Variants in CYTH3 observed in about 807,000 individuals in gnomAD.
CYTH3 encodes the protein cytohesin 3, also known as cytohesin-3.
A neutral mutation model predicts 55.1 loss-of-function variants in CYTH3; 23 were observed. That is an observed-to-expected ratio of 0.42 (90% CI 0.30 to 0.59). The LOEUF (loss-of-function observed/expected upper bound fraction) is 0.59, where lower values mean the gene tolerates loss of function less well. Ranked by LOEUF, CYTH3 falls within the 20% of genes least tolerant of loss-of-function variation. The pLI is 0.20. For missense variants in CYTH3, 413 were observed against 524.8 expected, an observed-to-expected ratio of 0.79 and a Z score of 2.08; for synonymous variants, 249 against 194.9, an observed-to-expected ratio of 1.28 and a Z score of -2.31.
rs75427131 is a variant in CYTH3 at position 6,172,298 on chromosome 7, C to A, written c.450-984G>T. On this transcript the variant is annotated intron_variant, in intron 6 of 12. Coordinates refer to ENST00000350796, the MANE Select transcript of CYTH3 (RefSeq NM_004227.4). ...CTGCTCTCTCTTCCCAGGATTCCAG[C>A]CACGTCTGGCCCCACTCTCTACCAG... Among the ~76,000 whole-genome samples, 8 of 152,142 alleles carry A rather than the reference C, an allele frequency of 5.3e-5. No homozygotes were observed. The East Asian group carries it at 1.6e-3, about 29-fold the overall frequency.
chr7:6,225,731 G>A (rs1779233339), intron 1 of CYTH3, among the ~76,000 whole-genome samples: 1 of 150,750 alleles, frequency 6.6e-6, no homozygotes, highest in African/African-American at 2.4e-5. Context: ...CCAGGCTGCA[G>A]TGCAAAGGTG....
intron 5 of CYTH3, among the ~76,000 whole-genome samples, chr7:6,177,447 G>T (rs1034790278): frequency 6.6e-6 from 1 of 152,192 alleles, no homozygotes; most frequent in Non-Finnish European, 1.5e-5. Context: ...TATTCATACT[G>T]CAAGTAACAG....
At chr7:6,246,290 G>A (rs1315642551) in intron 1 of CYTH3, among the ~76,000 whole-genome samples, 2 of 150,816 alleles carry the variant, frequency 1.3e-5, no homozygotes, top group East Asian at 1.9e-4. Context: ...GGCTGGTGGC[G>A]AACTCCTGCC....
chr7:6,253,777 C>A (rs1043651531), intron 1 of CYTH3, among the ~76,000 whole-genome samples: 1 of 151,894 alleles, frequency 6.6e-6, no homozygotes, highest in Non-Finnish European at 1.5e-5. Context: ...GATCATGAGA[C>A]TGCACTCCAG....
At chr7:6,262,818 C>G (rs1411553238) in intron 1 of CYTH3, among the ~76,000 whole-genome samples, 2 of 152,174 alleles carry the variant, frequency 1.3e-5, no homozygotes, top group African/African-American at 2.4e-5. Context: ...ACTCGGGAGG[C>G]TGAGGCAGGA....
intron 1 of CYTH3, among the ~76,000 whole-genome samples, chr7:6,212,442 C>G (rs975187180): frequency 2.6e-5 from 4 of 152,132 alleles, no homozygotes; most frequent in African/African-American, 7.2e-5. Context: ...TTTCCCCATC[C>G]CCAGGCACCC....
chr7:6,197,494 C>A (rs1371272450), intron 1 of CYTH3, among the ~76,000 whole-genome samples: 1 of 152,140 alleles, frequency 6.6e-6, no homozygotes, highest in East Asian at 1.9e-4. Flanking sequence ...ACCAGCCTGG[C>A]CAATATGATG....
At chr7:6,179,258 G>A (rs546979001) in intron 4 of CYTH3, among the ~76,000 whole-genome samples, 101 of 152,222 alleles carry the variant, frequency 6.6e-4, no homozygotes, top group Middle Eastern at 3.4e-3. Context: ...AGCAAAAGAC[G>A]ACACGGAAGA....
rs75234116 is a variant in CYTH3 at position 6,235,654 on chromosome 7, C to A, written c.34+36820G>T. ...TACACGGGAGTCGTTAGATACTACA[C>A]TGAAATAAAAAATACAACATGTCAC... On this transcript the variant is annotated intron_variant, in intron 1 of 12. Coordinates refer to ENST00000350796, the MANE Select transcript of CYTH3 (RefSeq NM_004227.4). 4.0e-3 allele frequency among the ~76,000 whole-genome samples: 603 copies of A among 152,192 alleles called. 8 individuals carry two copies. Among genetic ancestry groups the A allele is most frequent in the African/African-American group, 0.013 (559 of 41,508 alleles).
intron 1 of CYTH3, among the ~76,000 whole-genome samples, chr7:6,243,495 G>C (rs1779726378): frequency 6.6e-6 from 1 of 152,214 alleles, no homozygotes; most frequent in Non-Finnish European, 1.5e-5. Flanking sequence ...TGTTGGTTAA[G>C]AGTTTTTTCC....
Position 6,165,402 on chromosome 7 carries a change from C to G in CYTH3, c.998G>C (p.Ser333Thr). 6.2e-7 allele frequency: 1 copy of G among 1,613,912 alleles called. No individual in the cohort carries two copies. Among genetic ancestry groups the G allele is most frequent in the South Asian group, 1.1e-5 (1 of 91,044 alleles). Residue 333 changes from serine to threonine, a missense_variant, in exon 12 of 13, where the codon AGC becomes ACC. Coordinates refer to ENST00000350796, the MANE Select transcript of CYTH3 (RefSeq NM_004227.4). The part of the protein sequence containing the change: ...KPNCFELYNP[S>T]HKGQVIKACK... ...GGCCTTGATGACCTGCCCTTTGTGG[C>G]TGGGATTGTAGAGCTCAAAACAGTT...
At chr7:6,192,495 A>G (rs906387416) in intron 1 of CYTH3, among the ~76,000 whole-genome samples, 2 of 150,482 alleles carry the variant, frequency 1.3e-5, no homozygotes, top group African/African-American at 4.9e-5. Flanking sequence ...CACAGGGATT[A>G]CAGATGTGAG....
At chr7:6,251,328 CT>C (rs377700661) in intron 1 of CYTH3, among the ~76,000 whole-genome samples, 4,253 of 141,674 alleles carry the variant, frequency 0.03, 139 homozygotes, top group African/African-American at 0.081. Flanking sequence ...TCAGACTATT[CT>C]TTTTTTTTTT....
At chr7:6,195,951 A>G (rs1783914317) in intron 1 of CYTH3, among the ~76,000 whole-genome samples, 1 of 152,258 alleles carries the variant, frequency 6.6e-6, no homozygotes, top group South Asian at 2.1e-4. Context: ...GTCATGCAAC[A>G]TGCTATTGGG....
intron 1 of CYTH3, among the ~76,000 whole-genome samples, chr7:6,260,412 C>T (rs188983732): frequency 8.3e-4 from 126 of 151,918 alleles, no homozygotes; most frequent in Non-Finnish European, 1.4e-3. Context: ...GCAAAACAAA[C>T]ATACCCTTCC....
At chr7:6,246,864 C>A (rs1013155014) in intron 1 of CYTH3, among the ~76,000 whole-genome samples, 4 of 152,174 alleles carry the variant, frequency 2.6e-5, no homozygotes, top group Admixed American at 2.0e-4. Context: ...TTTATGTTTA[C>A]ATGATTTCAA....
rs1033101545 is a variant in CYTH3, at chr7:6,169,659, C to T, written c.823+876G>A. ...GCATAAGGCAACCATCCCCGCCCCG[C>T]AGGCAAAACAACCCCTCAGCATTTC... On this transcript the variant is annotated intron_variant, in intron 9 of 12. Coordinates refer to ENST00000350796, the MANE Select transcript of CYTH3 (RefSeq NM_004227.4). The surrounding 1 kb of genome is among the most constrained non-coding windows in gnomAD (Gnocchi z 4.1). Among the ~76,000 whole-genome samples, 2 of 152,160 alleles carry T rather than the reference C, an allele frequency of 1.3e-5. No homozygotes were observed. The highest frequency in any genetic ancestry group is 4.8e-5 in the African/African-American group (2 of 41,432).
intron 4 of CYTH3, among the ~76,000 whole-genome samples, chr7:6,185,402 G>A (rs928210489): frequency 1.3e-5 from 2 of 150,908 alleles, no homozygotes; most frequent in African/African-American, 4.9e-5. Context: ...CCTGGCCAAC[G>A]TGGTGAAACT....
chr7:6,241,915 T>C (rs1263935405), intron 1 of CYTH3, among the ~76,000 whole-genome samples: 1 of 152,220 alleles, frequency 6.6e-6, no homozygotes, highest in African/African-American at 2.4e-5. Context: ...TACATTTTTA[T>C]TATAATTGCA....
Sources: allele counts gnomAD v4.1 joint callset (sites outside exome capture counted in the v4.1 genomes callset), GRCh38; gene constraint gnomAD v4.1.1; non-coding constraint Gnocchi (gnomAD v3.1); transcripts MANE v1.5; gene names NCBI Gene and HGNC (gene_info 2026-07-23, HGNC 2026-07-21).